RILPL1: variants seen among roughly 807,000 people sequenced by gnomAD.
RILPL1 encodes Rab interacting lysosomal protein like 1.
A neutral mutation model predicts 50.3 loss-of-function variants in RILPL1; 33 were observed. That is an observed-to-expected ratio of 0.66 (90% CI 0.50 to 0.88). The LOEUF is 0.88. Among genes scored for constraint, RILPL1 ranks in the 40% least tolerant of loss-of-function variants. RILPL1 has a pLI of 0.00. For synonymous variants in RILPL1, 205 were observed against 228.6 expected (o/e 0.90, Z 0.93); for missense variants, 418 against 542.5 (o/e 0.77, Z 2.28).
At chr12:123,480,757 C>G (rs1347899886) in intron 6 of RILPL1, among the ~76,000 whole-genome samples, 1 of 152,154 alleles carries the variant, frequency 6.6e-6, no homozygotes, top group Non-Finnish European at 1.5e-5. Flanking sequence ...TGCAGAGAAT[C>G]AAGACTGAAG....
chr12:123,523,435 A>T, intron 2 of RILPL1, 60 bp downstream of exon 2: 1 of 1,602,452 alleles, frequency 6.2e-7, no homozygotes, highest in Non-Finnish European at 8.5e-7. Context: ...ACAATCGCTG[A>T]TGTGGGCAAT....
chr12:123,533,577 CGCGG>C lies in RILPL1; in HGVS notation c.-99_-96del. 1 of 1,063,122 alleles carries C rather than the reference CGCGG, an allele frequency of 9.4e-7. No individual in the cohort carries two copies. The highest frequency in any genetic ancestry group is 1.2e-6 in the Non-Finnish European group (1 of 838,976). The allele number at this position is 1,063,122 out of a possible 1,614,324, so 65.9% of individuals were successfully genotyped here. ...CGGGCCGGCCGGGCCCAGCCTGGGC[CGCGG>C]GCGGGCGCGCTCAGCGGGCGCTGGG... On this transcript the variant is annotated 5_prime_UTR_variant, in exon 1 of 7. Coordinates refer to ENST00000376874, the MANE Select transcript of RILPL1 (RefSeq NM_178314.5). This position sits in a 1 kb window ranked among gnomAD's most constrained non-coding sequence, Gnocchi z 6.2.
intron 2 of RILPL1, chr12:123,513,499 C>G: frequency 4.5e-6 from 1 of 223,026 alleles, no homozygotes; most frequent in Non-Finnish European, 9.7e-6. Flanking sequence ...AGCTATGAGA[C>G]CGAGGCAGAA....
intron 1 of RILPL1, among the ~76,000 whole-genome samples, chr12:123,526,020 T>C (rs376643338): frequency 2.0e-5 from 3 of 152,112 alleles, no homozygotes; most frequent in African/African-American, 4.8e-5. Flanking sequence ...AACAGTGGTT[T>C]AAGGGCCAGG....
chr12:123,521,335 C>A (rs986839681), intron 2 of RILPL1, among the ~76,000 whole-genome samples: 1 of 151,812 alleles, frequency 6.6e-6, no homozygotes, highest in Non-Finnish European at 1.5e-5. Context: ...AGGGTCAGGA[C>A]TCAAACCTGG....
rs1005961841 is a variant in RILPL1 at position 123,489,157 on chromosome 12, C to G, written c.802-3352G>C. Among the ~76,000 whole-genome samples the G allele has an allele frequency of 1.1e-4, 17 of 152,326 alleles. No homozygotes were observed. The highest frequency in any genetic ancestry group is 4.1e-4 in the African/African-American group (17 of 41,578). ...ACATTTACTGAGAGCTAACTTTGTG[C>G]CTTGCTGGCCGTGGAGCTCAGCCCT... is the stretch of plus-strand genomic sequence containing the variant. On this transcript the variant is annotated intron_variant, in intron 4 of 6. Transcript: ENST00000376874. This position sits in a 1 kb window ranked among gnomAD's most constrained non-coding sequence, Gnocchi z 4.0.
intron 1 of RILPL1, among the ~76,000 whole-genome samples, chr12:123,524,477 C>T (rs181171392): frequency 2.0e-5 from 3 of 152,226 alleles, no homozygotes; most frequent in Non-Finnish European, 1.5e-5. Flanking sequence ...CATGAAAACG[C>T]GTGCAGGTGA....
At chr12:123,477,057 T>C (rs1881641575) in intron 6 of RILPL1, among the ~76,000 whole-genome samples, 1 of 152,184 alleles carries the variant, frequency 6.6e-6, no homozygotes, top group South Asian at 2.1e-4. Flanking sequence ...GGACGAGGGC[T>C]GAGGCAGAGG....
chr12:123,521,539 GTATATA>G (rs1207444906), intron 2 of RILPL1, among the ~76,000 whole-genome samples: 1 of 127,714 alleles, frequency 7.8e-6, no homozygotes, highest in African/African-American at 3.0e-5. Flanking sequence ...ATAAATATAT[GTATATA>G]TATGTGTGTA....
chr12:123,518,758 A>G (rs1340539203), intron 2 of RILPL1, among the ~76,000 whole-genome samples: 1 of 152,054 alleles, frequency 6.6e-6, no homozygotes, highest in Non-Finnish European at 1.5e-5. Flanking sequence ...AAAATATATT[A>G]TAGAAAATAC....
At chr12:123,500,520 A>G (rs1440482584) in intron 2 of RILPL1, among the ~76,000 whole-genome samples, 1 of 136,694 alleles carries the variant, frequency 7.3e-6, no homozygotes, top group African/African-American at 2.7e-5. Flanking sequence ...CCTGACTTCA[A>G]GTGATCCGCC....
chr12:123,471,444 G>A lies in RILPL1; in HGVS notation c.*1094C>T, dbSNP rs1322255970. On this transcript the variant is annotated 3_prime_UTR_variant, in exon 7 of 7. Coordinates refer to ENST00000376874, the MANE Select transcript of RILPL1 (RefSeq NM_178314.5). ...GCCCTGATAAACTTGAGTGCTGGTA[G>A]GAGGTGCTACCTCGCTCAATCTGTG... 1.3e-5 allele frequency: 2 copies of A among 152,210 alleles called. No individual in the cohort carries two copies. The highest frequency in any genetic ancestry group is 2.9e-5 in the Non-Finnish European group (2 of 68,068). 9.4% of individuals were successfully genotyped at this position (152,210 alleles called of 1,614,324 possible). A position where few individuals can be genotyped will look rare whatever the true frequency, so the allele number is the denominator to read the frequency against.
rs1251138313 is a variant in RILPL1 at position 123,472,039 on chromosome 12, T to A, written c.*499A>T. ...ACTGAGCCTGTGACTTCAGACCCCT[T>A]GTCTGCCTGATGGATACATTCTGTA... On this transcript the variant is annotated 3_prime_UTR_variant, in exon 7 of 7. Coordinates refer to ENST00000376874, the MANE Select transcript of RILPL1 (RefSeq NM_178314.5). 6.5e-6 allele frequency: 1 copy of A among 153,796 alleles called. No individual in the cohort carries two copies. The highest frequency in any genetic ancestry group is 2.4e-5 in the African/African-American group (1 of 41,472). The allele number at this position is 153,796 out of a possible 1,614,324, so 9.5% of individuals were successfully genotyped here. A position where few individuals can be genotyped will look rare whatever the true frequency, so the allele number is the denominator to read the frequency against.
At chr12:123,503,754 C>T (rs1379322005) in intron 2 of RILPL1, among the ~76,000 whole-genome samples, 1 of 151,992 alleles carries the variant, frequency 6.6e-6, no homozygotes, top group Non-Finnish European at 1.5e-5. Context: ...GTAATCCCAG[C>T]ACTTTAGGAG....
At chr12:123,523,069 C>T (rs1885125070) in intron 2 of RILPL1, among the ~76,000 whole-genome samples, 1 of 152,114 alleles carries the variant, frequency 6.6e-6, no homozygotes, top group Non-Finnish European at 1.5e-5. Flanking sequence ...CAAAGATGTC[C>T]CTACCAAGTC....
intron 6 of RILPL1, among the ~76,000 whole-genome samples, chr12:123,479,317 C>T (rs758550848): frequency 6.6e-6 from 1 of 151,998 alleles, no homozygotes; most frequent in Non-Finnish European, 1.5e-5. Context: ...CACTCCTTGG[C>T]GACTGTGAAT....
At chr12:123,506,478 ACAGACTTC>A (rs1349179317) in intron 2 of RILPL1, among the ~76,000 whole-genome samples, 2 of 152,246 alleles carry the variant, frequency 1.3e-5, no homozygotes, top group East Asian at 3.9e-4. Flanking sequence ...GCCAGAGAGG[ACAGACTTC>A]CAGACTTCCA....
chr12:123,528,552 G>T (rs61953541), intron 1 of RILPL1, among the ~76,000 whole-genome samples: 4 of 150,736 alleles, frequency 2.7e-5, no homozygotes, highest in Non-Finnish European at 5.9e-5. Context: ...CTCAGCCTCC[G>T]AAGTAGCTGG....
rs2139384684 is a variant in RILPL1, at chr12:123,522,443, G to T, written c.460+1052C>A. Among the ~76,000 whole-genome samples, 1 of 152,272 alleles carries T rather than the reference G, an allele frequency of 6.6e-6. No homozygotes were observed. The highest frequency in any genetic ancestry group is 1.9e-4 in the East Asian group (1 of 5,178). On this transcript the variant is annotated intron_variant, in intron 2 of 6. Coordinates refer to ENST00000376874, the MANE Select transcript of RILPL1 (RefSeq NM_178314.5). This position sits in a 1 kb window ranked among gnomAD's most constrained non-coding sequence, Gnocchi z 4.0. The stretch of plus-strand genomic sequence containing the variant: ...CATTCAGGTCTGGGATGCCATCCCG[G>T]GCTGCTCACTGGTAAGCGTTTGCCT...
Sources: allele counts gnomAD v4.1 joint callset (sites outside exome capture counted in the v4.1 genomes callset), GRCh38; gene constraint gnomAD v4.1.1; non-coding constraint Gnocchi (gnomAD v3.1); transcripts MANE v1.5; gene names NCBI Gene and HGNC (gene_info 2026-07-23, HGNC 2026-07-21).